The following COL18A1 variants were observed in gnomAD, a reference collection of about 807,000 sequenced individuals.
COL18A1 encodes collagen alpha-1(XVIII) chain.
Under a neutral mutation model 168.0 loss-of-function variants are expected in COL18A1, and 133 were observed. The ratio of observed to expected loss-of-function variants is 0.79; its 90% confidence interval spans 0.69 to 0.91. COL18A1 has a LOEUF of 0.91. Among genes scored for constraint, COL18A1 ranks in the 40% least tolerant of loss-of-function variants. The pLI is 0.00. For synonymous variants in COL18A1, 949 were observed against 809.0 expected (o/e 1.17, Z -2.94); for missense variants, 2,126 against 1,925.4 (o/e 1.10, Z -1.95).
rs1010146473 is a variant in COL18A1 at position 45,498,756 on chromosome 21, G to A, written c.2683+1095G>A. ...CCAGAAACCAGGAGAAGAGGCCAGT[G>A]ACACACCAGACCAGGAGGCCCAGCT... On this transcript the variant is annotated intron_variant, in intron 32 of 41. Coordinates refer to ENST00000651438, the MANE Select transcript of COL18A1 (RefSeq NM_001379500.1). This position sits in a 1 kb window ranked among gnomAD's most constrained non-coding sequence, Gnocchi z 4.5. 3.3e-6 allele frequency: 2 copies of A among 607,440 alleles called. No homozygotes were observed. The highest frequency in any genetic ancestry group is 2.7e-5 in the East Asian group (1 of 36,460). 37.6% of individuals were successfully genotyped at this position (607,440 alleles called of 1,614,324 possible). A position where few individuals can be genotyped will look rare whatever the true frequency, so the allele number is the denominator to read the frequency against.
chr21:45,491,209 T>G lies in COL18A1; in HGVS notation c.2068-16T>G. 1 of 1,604,960 alleles carries G rather than the reference T, an allele frequency of 6.2e-7. No individual in the cohort carries two copies. ...CGGTTGAGATGAAATGCCGGACGCG[T>G]GGCCTCCTCTTCCAGGGAGATCCAG... On this transcript the variant is annotated splice_polypyrimidine_tract_variant and intron_variant, in intron 21 of 41. Transcript: ENST00000651438.
At chr21:45,418,096 G>A (rs2123528895) in intron 2 of COL18A1, among the ~76,000 whole-genome samples, 1 of 152,370 alleles carries the variant, frequency 6.6e-6, no homozygotes, top group Admixed American at 6.5e-5. Context: ...GCGTGGGGCT[G>A]GACGGCCAGG....
chr21:45,431,199 G>T (rs549421050), intron 2 of COL18A1, among the ~76,000 whole-genome samples: 5 of 152,168 alleles, frequency 3.3e-5, no homozygotes, highest in Non-Finnish European at 7.4e-5. Context: ...GGTGGGCGAC[G>T]GACAGACAGG....
Position 45,478,378 on chromosome 21 carries a change from C to A in COL18A1, c.1248+25C>A, listed in dbSNP as rs763822158. 1.1e-5 allele frequency: 17 copies of A among 1,614,020 alleles called. No homozygotes were observed. In the African/African-American group the frequency reaches 1.9e-4, roughly 18 times the overall value. ...GGTGAGTCTGCTTTTCTTTCTGACC[C>A]CTGTGTTATCTGTGATGTTTGCTTA... On this transcript the variant is annotated intron_variant, in intron 9 of 41. Transcript: ENST00000651438.
intron 2 of COL18A1, chr21:45,419,785 C>G (rs1469188873): frequency 6.6e-6 from 1 of 152,132 alleles, no homozygotes; most frequent in African/African-American, 2.4e-5. Context: ...ATTTGAGGCC[C>G]CAGCCAGTAC....
At chr21:45,453,806 C>T (rs79450401) in intron 2 of COL18A1, among the ~76,000 whole-genome samples, 2,813 of 152,300 alleles carry the variant, frequency 0.018, 99 homozygotes, top group African/African-American at 0.063. Context: ...GAGCTGCTCT[C>T]CCTCCATTGC....
In COL18A1 at chr21:45,498,403, C is replaced by T. The variant is rs1374737336; in HGVS notation, c.2683+742C>T. On this transcript the variant is annotated intron_variant, in intron 32 of 41. Transcript: ENST00000651438. The surrounding 1 kb of genome is among the most constrained non-coding windows in gnomAD (Gnocchi z 4.5). ...TCTCGCCGCCAGGGTCCCCTCTCGC[C>T]GCCAGGGTCCCCTCTCGCCGCCACG... 7.0e-5 allele frequency: 48 copies of T among 685,344 alleles called. No homozygotes were observed. The highest frequency in any genetic ancestry group is 2.9e-4 in the African/African-American group (16 of 55,480). 42.5% of individuals were successfully genotyped at this position (685,344 alleles called of 1,614,324 possible). A position where few individuals can be genotyped will look rare whatever the true frequency, so the allele number is the denominator to read the frequency against.
rs748684893 is a variant in COL18A1, at chr21:45,498,322, C to G, written c.2683+661C>G. The G allele has an allele frequency of 5.9e-6, 4 of 678,132 alleles. No homozygotes were observed. The South Asian group carries it at 6.3e-5, about 11-fold the overall frequency. 42.0% of individuals were successfully genotyped at this position (678,132 alleles called of 1,614,324 possible). A position where few individuals can be genotyped will look rare whatever the true frequency, so the allele number is the denominator to read the frequency against. ...TCCCCTCTCGCCGCCACGGTCCCCTCTCGCCGCCAGGGTCCCCTCTCACCG... is the reference window on the plus strand; with the variant it reads ...TCCCCTCTCGCCGCCACGGTCCCCTGTCGCCGCCAGGGTCCCCTCTCACCG... On this transcript the variant is annotated intron_variant, in intron 32 of 41. Coordinates refer to ENST00000651438, the MANE Select transcript of COL18A1 (RefSeq NM_001379500.1). The surrounding 1 kb of genome is among the most constrained non-coding windows in gnomAD (Gnocchi z 4.5).
chr21:45,512,267 G>C lies in COL18A1; in HGVS notation c.3889G>C (p.Glu1297Gln), dbSNP rs771981397. 2.3e-5 allele frequency: 37 copies of C among 1,611,868 alleles called. No individual in the cohort carries two copies. The highest frequency in any genetic ancestry group is 3.1e-5 in the Non-Finnish European group (36 of 1,179,640). The stretch of plus-strand genomic sequence containing the variant: ...GAGCTACTGTGAGACGTGGCGGACG[G>C]AGGCTCCCTCGGCCACGGGCCAGGC... ...TESYCETWRT[E>Q]APSATGQASS... Residue 1297 changes from glutamate to glutamine, a missense_variant, in exon 42 of 42, where the codon GAG (glutamate) becomes CAG (glutamine). Glu to Gln is a conservative substitution (Grantham distance 29). Transcript: ENST00000651438.
intron 3 of COL18A1, among the ~76,000 whole-genome samples, chr21:45,472,939 C>A (rs2035498668): frequency 6.6e-6 from 1 of 152,238 alleles, no homozygotes; most frequent in East Asian, 1.9e-4. Context: ...CTCAGCCCCA[C>A]TCCTGAGCCA....
chr21:45,497,440 C>G (rs2036580684), intron 31 of COL18A1, among the ~76,000 whole-genome samples, 159 bp from the exon 32 acceptor site: 2 of 152,230 alleles, frequency 1.3e-5, no homozygotes, highest in Non-Finnish European at 2.9e-5. Flanking sequence ...ACCCAGGGCG[C>G]CCCTGCTCTC....
chr21:45,482,701 G>A, intron 14 of COL18A1, 94 bp from the exon 15 acceptor site: 1 of 1,592,048 alleles, frequency 6.3e-7, no homozygotes, highest in Non-Finnish European at 8.6e-7. Flanking sequence ...CAGGGACCCG[G>A]GTCGGGGCAC....
At chr21:45,469,615 C>A (rs770232032) in intron 3 of COL18A1, among the ~76,000 whole-genome samples, 31 of 152,184 alleles carry the variant, frequency 2.0e-4, no homozygotes, top group Non-Finnish European at 3.5e-4. Flanking sequence ...GTCCAAAGCC[C>A]CTGCATTTCT....
At chr21:45,504,995 T>C (rs2037104994) in intron 34 of COL18A1, 139 bp from the exon 35 acceptor site, 6 of 1,072,528 alleles carry the variant, frequency 5.6e-6, no homozygotes, top group Non-Finnish European at 6.9e-6. Context: ...TCTCAGGCTA[T>C]GGCGTGGGCA....
At chr21:45,410,232 TG>T (rs1159182644) in intron 2 of COL18A1, among the ~76,000 whole-genome samples, 2 of 149,516 alleles carry the variant, frequency 1.3e-5, no homozygotes, top group Admixed American at 6.7e-5. Context: ...TGGTGGCAGA[TG>T]GGGTCACCTC....
chr21:45,415,818 G>A (rs1014656645), intron 2 of COL18A1, among the ~76,000 whole-genome samples: 14 of 152,238 alleles, frequency 9.2e-5, no homozygotes, highest in Non-Finnish European at 1.5e-4. Context: ...TGGTGCTCAC[G>A]CAGCCAGGCG....
At position 45,509,446 on chromosome 21, in the gene COL18A1, C is replaced by T. The variant is rs749258477; in HGVS notation, c.3340C>T (p.Arg1114Trp). 20 of 1,533,308 alleles carry T rather than the reference C, an allele frequency of 1.3e-5. No individual in the cohort carries two copies. The highest frequency in any genetic ancestry group is 2.0e-4 in the Middle Eastern group (1 of 5,066). 95.0% of individuals were successfully genotyped at this position (1,533,308 alleles called of 1,614,324 possible). ...GCGGGAGCACCCCCACCCCACCGCG[C>T]GGCCCTGGCGGGCAGATGACATCCT... is the stretch of plus-strand genomic sequence containing the variant. ...PRREHPHPTA[R>W]PWRADDILAS... The change falls in exon 39 of 42, where the codon CGG becomes TGG. Residue 1114 changes from arginine to tryptophan, a missense_variant. Arg to Trp is a moderately radical substitution (Grantham distance 101). Transcript: ENST00000651438.
At chr21:45,503,700 TG>T (rs1347325015) in intron 32 of COL18A1, among the ~76,000 whole-genome samples, 1 of 151,152 alleles carries the variant, frequency 6.6e-6, no homozygotes, top group Non-Finnish European at 1.5e-5. Flanking sequence ...GACGAGTTAG[TG>T]GGTGCAGCAC....
At chr21:45,501,957 CCGCAGCCGGTCACCTCCCTCTGCAG>C (rs2036881779) in intron 32 of COL18A1, among the ~76,000 whole-genome samples, 1 of 89,166 alleles carries the variant, frequency 1.1e-5, no homozygotes, top group Non-Finnish European at 2.3e-5. Flanking sequence ...TCAGGGGCCT[CCGCAGCCGGTCACCTCCCTCTGCAG>C]AAGGACCCTC....
Sources: allele counts gnomAD v4.1 joint callset (sites outside exome capture counted in the v4.1 genomes callset), GRCh38; gene constraint gnomAD v4.1.1; non-coding constraint Gnocchi (gnomAD v3.1); transcripts MANE v1.5; gene names NCBI Gene and HGNC (gene_info 2026-07-23, HGNC 2026-07-21).